Variants in AKT1 observed in about 807,000 individuals in gnomAD.
AKT1 encodes AKT serine/threonine kinase 1.
Under a neutral mutation model 63.1 loss-of-function variants are expected in AKT1, and 21 were observed. The observed-to-expected ratio is 0.33, with a 90% CI of 0.24 to 0.48. The LOEUF (loss-of-function observed/expected upper bound fraction) is 0.48, where lower values mean the gene tolerates loss of function less well. Among genes scored for constraint, AKT1 ranks in the 20% least tolerant of loss-of-function variants. AKT1 has a pLI of 0.99. For synonymous variants in AKT1, 257 were observed against 253.1 expected, an observed-to-expected ratio of 1.02 and a Z score of -0.15; for missense variants, 382 against 666.0, an observed-to-expected ratio of 0.57 and a Z score of 4.69.
At chr14:104,773,865 G>A (rs1201703256) in intron 9 of AKT1, 47 bp downstream of exon 9, 3 of 1,547,878 alleles carry the variant, frequency 1.9e-6, no homozygotes, top group Non-Finnish European at 1.8e-6. Flanking sequence ...CCCACCATGG[G>A]CGGCCCACAG....
chr14:104,787,102 C>A (rs61759782), intron 3 of AKT1, among the ~76,000 whole-genome samples: 1,553 of 152,252 alleles, frequency 0.01, 33 homozygotes, highest in African/African-American at 0.036. Flanking sequence ...GGATCCCACC[C>A]CAAAGCCCGC....
chr14:104,779,010 C>T (rs74090023), intron 4 of AKT1, among the ~76,000 whole-genome samples: 4 of 152,192 alleles, frequency 2.6e-5, no homozygotes, highest in Non-Finnish European at 5.9e-5. Context: ...ATGCCCAACC[C>T]GTGTCTCTGG....
intron 3 of AKT1, among the ~76,000 whole-genome samples, chr14:104,783,985 GGGGACT>G (rs1893207283): frequency 6.6e-6 from 1 of 152,328 alleles, no homozygotes; most frequent in African/African-American, 2.4e-5. Context: ...GGACGGCACT[GGGGACT>G]GGTCCCACCT....
chr14:104,786,908 C>T (rs1054755117), intron 3 of AKT1, among the ~76,000 whole-genome samples: 1 of 152,160 alleles, frequency 6.6e-6, no homozygotes, highest in African/African-American at 2.4e-5. Context: ...GGCCTCTCTG[C>T]ATTCTCCAGG....
chr14:104,777,348 G>GCA (rs1267531545), intron 4 of AKT1: 3 of 221,396 alleles, frequency 1.4e-5, no homozygotes, highest in South Asian at 5.7e-5. Context: ...TACATCTGGG[G>GCA]CACACACACA....
At chr14:104,781,378 C>T (rs1481983113) in intron 3 of AKT1, among the ~76,000 whole-genome samples, 2 of 152,148 alleles carry the variant, frequency 1.3e-5, no homozygotes, top group African/African-American at 4.8e-5. Context: ...GACCACCCAC[C>T]ACCCAGTCCT....
At chr14:104,775,372 G>A (rs1434961450) in intron 6 of AKT1, 165 bp from the exon 7 acceptor site, 2 of 1,300,912 alleles carry the variant, frequency 1.5e-6, no homozygotes, top group Non-Finnish European at 2.1e-6. Flanking sequence ...CAGGCTTACA[G>A]GGAACACATG....
chr14:104,776,070 GCAGGACTCCGCCCC>G (rs1892691843), intron 5 of AKT1: 2 of 272,562 alleles, frequency 7.3e-6, no homozygotes, highest in African/African-American at 9.6e-5. Flanking sequence ...CCGCCCCCCA[GCAGGACTCCGCCCC>G]CCCCAAGCAG....
At chr14:104,781,261 A>G (rs1486829771) in intron 3 of AKT1, among the ~76,000 whole-genome samples, 1 of 152,096 alleles carries the variant, frequency 6.6e-6, no homozygotes, top group Non-Finnish European at 1.5e-5. Flanking sequence ...GGGCCAGGGT[A>G]AGGGGTTGGG....
chr14:104,770,727 CAGGCAGT>C lies in AKT1; in HGVS notation c.1363+11_1363+17del. The C allele has an allele frequency of 6.2e-7, 1 of 1,605,750 alleles. No individual in the cohort carries two copies. Among genetic ancestry groups the C allele is most frequent in the Non-Finnish European group, 8.5e-7 (1 of 1,172,460 alleles). On this transcript the variant is annotated intron_variant, in intron 14 of 14. Transcript: ENST00000649815. The stretch of plus-strand genomic sequence containing the variant: ...GGAGAGAAAAGGGAGTGGGCGGGGG[CAGGCAGT>C]GGCCCCTCACCTTGGTCAGGTGGTG...
chr14:104,788,843 G>A (rs1035976964), intron 3 of AKT1, among the ~76,000 whole-genome samples: 1 of 152,178 alleles, frequency 6.6e-6, no homozygotes, highest in African/African-American at 2.4e-5. Context: ...GCCTGGACTG[G>A]GGGGTCTATG....
intron 8 of AKT1, 159 bp from the exon 9 acceptor site, chr14:104,774,139 CGCCCGATACCACACT>C: frequency 1.5e-6 from 1 of 667,200 alleles, no homozygotes; most frequent in Non-Finnish European, 2.7e-6. Context: ...GATACCACAC[CGCCCGATACCACACT>C]GCCCCACACC....
Position 104,775,023 on chromosome 14 carries a change from G to A in AKT1, c.568-20C>T, listed in dbSNP as rs772698373. ...CTCGTCCTGTAAAGCAGGGCTGGGT[G>A]AGCTGCCACCCCGCACCCTCATCTC... On this transcript the variant is annotated intron_variant, in intron 7 of 14. Coordinates refer to ENST00000649815, the MANE Select transcript of AKT1 (RefSeq NM_001382430.1). 5 of 1,613,144 alleles carry A rather than the reference G, an allele frequency of 3.1e-6. No individual in the cohort carries two copies. Among genetic ancestry groups the A allele is most frequent in the East Asian group, 2.2e-5 (1 of 44,846 alleles).
At chr14:104,780,350 G>A (rs992959272) in intron 3 of AKT1, 134 bp from the exon 4 acceptor site, 1 of 1,273,180 alleles carries the variant, frequency 7.9e-7, no homozygotes, top group Non-Finnish European at 1.1e-6. Context: ...GCGCGGTACG[G>A]GAGCTGTTTC....
chr14:104,790,339 C>T (rs969186894), intron 3 of AKT1, among the ~76,000 whole-genome samples: 2 of 152,184 alleles, frequency 1.3e-5, no homozygotes, highest in African/African-American at 2.4e-5. Context: ...ACAGTCACTG[C>T]GTCCCTCCCT....
At chr14:104,794,717 C>T (rs1194918878) in intron 1 of AKT1, among the ~76,000 whole-genome samples, 4 of 152,218 alleles carry the variant, frequency 2.6e-5, no homozygotes, top group Admixed American at 2.0e-4. Flanking sequence ...AAGTGGCCAC[C>T]TGGAGCAAGG....
chr14:104,773,915 G>C lies in AKT1; in HGVS notation c.699C>G (p.Gly233=), dbSNP rs371786809. Residue 233 remains glycine, a synonymous_variant, in exon 9 of 15, where the codon GGC becomes GGG. Transcript: ENST00000649815. The part of the protein sequence containing the change: ...LCFVMEYANG[G]ELFFHLSRER... Reference sequence around the variant, plus strand: ...CCCCCGCAGCCCCAGCCCCTACCTCGCCCCCGTTGGCGTACTCCATGACAA... The same window carrying C: ...CCCCCGCAGCCCCAGCCCCTACCTCCCCCCCGTTGGCGTACTCCATGACAA... 9 of 1,608,576 alleles carry C rather than the reference G, an allele frequency of 5.6e-6. No homozygotes were observed. Among genetic ancestry groups the C allele is most frequent in the South Asian group, 1.1e-5 (1 of 90,244 alleles).
At chr14:104,790,418 T>C (rs114249123) in intron 3 of AKT1, among the ~76,000 whole-genome samples, 1 of 149,914 alleles carries the variant, frequency 6.7e-6, no homozygotes, top group African/African-American at 2.4e-5. Flanking sequence ...ACAGCCCTGC[T>C]AGGGACAGGA....
intron 2 of AKT1, 40 bp from the exon 3 acceptor site, chr14:104,792,762 G>T: frequency 7.7e-7 from 1 of 1,298,272 alleles, no homozygotes; most frequent in Non-Finnish European, 1.1e-6. Context: ...GGCCACGCCT[G>T]GCTAAGGGCA....
Sources: gnomAD v4.1 joint callset for allele counts (sites outside exome capture counted in the v4.1 genomes callset) on GRCh38, gnomAD v4.1.1 for gene constraint, MANE v1.5 for transcripts, NCBI Gene and HGNC (gene_info 2026-07-23, HGNC 2026-07-21) for gene names.